The following ERC2 variants were observed in gnomAD, a reference collection of about 807,000 sequenced individuals.
The protein encoded by ERC2 is ERC protein 2.
ERC2 carries 42 observed loss-of-function variants against 114.8 expected under a neutral mutation model. The observed-to-expected ratio is 0.37, with a 90% confidence interval of 0.29 to 0.47. ERC2 has a LOEUF of 0.47. Among genes scored for constraint, ERC2 ranks in the 20% least tolerant of loss-of-function variants. The probability of loss-of-function intolerance (pLI) is 0.99; values close to 1 mark genes in which losing one functional copy is unlikely to be tolerated. For missense variants in ERC2, 939 were observed against 1,150.7 expected (o/e 0.82, Z 2.66); for synonymous variants, 454 against 425.5 (o/e 1.07, Z -0.82).
chr3:56,446,643 T>TTGG (rs2062587089), intron 1 of ERC2, among the ~76,000 whole-genome samples: 1 of 147,710 alleles, frequency 6.8e-6, no homozygotes, highest in Non-Finnish European at 1.5e-5. Context: ...TTTTTTTTTT[T>TTGG]GAGACGGGGT....
At chr3:55,959,133 T>C (rs1030945891) in intron 12 of ERC2, among the ~76,000 whole-genome samples, 4 of 152,108 alleles carry the variant, frequency 2.6e-5, no homozygotes, top group Admixed American at 6.6e-5. Context: ...ACTCCCCCAC[T>C]TCACTCACCA....
At chr3:55,920,957 TTCA>T (rs1295470791) in intron 13 of ERC2, among the ~76,000 whole-genome samples, 1 of 152,098 alleles carries the variant, frequency 6.6e-6, no homozygotes, top group Non-Finnish European at 1.5e-5. Flanking sequence ...GACACTGGGC[TTCA>T]AACCTAGGGG....
chr3:55,628,763 T>G lies in ERC2; in HGVS notation c.*39+55031A>C, dbSNP rs557522730. Among the ~76,000 whole-genome samples, 3 of 152,294 alleles carry G rather than the reference T, an allele frequency of 2.0e-5. No homozygotes were observed. The South Asian group carries it at 6.2e-4, about 32-fold the overall frequency. On this transcript the variant is annotated intron_variant, in intron 17 of 17. Transcript: ENST00000288221. ...CAGGAACCTGGCTATTAAGAATATT[T>G]TCTCTCCTCCCCAAAATGAGCTGGT...
chr3:56,114,248 T>G (rs2079113592), intron 6 of ERC2, among the ~76,000 whole-genome samples: 1 of 152,214 alleles, frequency 6.6e-6, no homozygotes, highest in South Asian at 2.1e-4. Context: ...GCTCTATATG[T>G]TAAAAGGTGA....
intron 3 of ERC2, among the ~76,000 whole-genome samples, chr3:56,251,903 C>A (rs568764671): frequency 3.9e-5 from 6 of 152,216 alleles, no homozygotes; most frequent in Non-Finnish European, 8.8e-5. Context: ...AAATGCTAAT[C>A]TAATTCAACT....
At chr3:56,122,102 T>C (rs2149860178) in intron 6 of ERC2, among the ~76,000 whole-genome samples, 1 of 152,272 alleles carries the variant, frequency 6.6e-6, no homozygotes, top group South Asian at 2.1e-4. Flanking sequence ...GGCAGAAACA[T>C]TGGAAACAAC....
chr3:56,135,246 C>A (rs1258237962), intron 6 of ERC2, among the ~76,000 whole-genome samples: 2 of 152,090 alleles, frequency 1.3e-5, no homozygotes. Flanking sequence ...AGCCACCACA[C>A]CTGGCCAGAA....
Position 56,427,433 on chromosome 3 carries a change from C to T in ERC2, c.657+6918G>A, listed in dbSNP as rs918063769. Among the ~76,000 whole-genome samples, 4 of 152,070 alleles carry T rather than the reference C, an allele frequency of 2.6e-5. No individual in the cohort carries two copies. The South Asian group carries it at 8.3e-4, about 32-fold the overall frequency. On this transcript the variant is annotated intron_variant, in intron 2 of 17. Transcript: ENST00000288221. ...GAGCCACTGCACCCAGCCTAGTAAA[C>T]ATTTTTAACTGAAAGAGAGCATTTC... is the stretch of plus-strand genomic sequence containing the variant.
chr3:56,097,828 C>A (rs1006887747), intron 6 of ERC2, among the ~76,000 whole-genome samples: 2 of 152,156 alleles, frequency 1.3e-5, no homozygotes, highest in Non-Finnish European at 2.9e-5. Context: ...AGCCTGATAT[C>A]CTATCAGCAA....
chr3:55,947,998 A>G lies in ERC2; in HGVS notation c.2403+2427T>C, dbSNP rs78644365. Reference sequence around the variant, plus strand: ...TGAAATAAAGAAGACTGGATTTGTAAAATATTTCGTACTGTGCTATATATC... The same window carrying G: ...TGAAATAAAGAAGACTGGATTTGTAGAATATTTCGTACTGTGCTATATATC... On this transcript the variant is annotated intron_variant, in intron 13 of 17. Coordinates refer to ENST00000288221, the MANE Select transcript of ERC2 (RefSeq NM_015576.3). Among the ~76,000 whole-genome samples, 536 of 152,328 alleles carry G rather than the reference A, an allele frequency of 3.5e-3. 3 individuals are homozygous for G. The highest frequency in any genetic ancestry group is 0.012 in the African/African-American group (506 of 41,560).
intron 10 of ERC2, among the ~76,000 whole-genome samples, chr3:55,997,880 G>GTTTT (rs869077498): frequency 1.6e-4 from 7 of 44,766 alleles, no homozygotes; most frequent in African/African-American, 4.4e-4. Context: ...TCTTAATTCT[G>GTTTT]TTTTTTTTTT....
intron 14 of ERC2, among the ~76,000 whole-genome samples, chr3:55,843,734 G>C (rs548369813): frequency 1.3e-5 from 2 of 152,294 alleles, no homozygotes; most frequent in African/African-American, 4.8e-5. Context: ...AAAAATGTGT[G>C]GCCCCAATGT....
At chr3:55,735,122 T>C (rs2065546084) in intron 14 of ERC2, among the ~76,000 whole-genome samples, 1 of 152,168 alleles carries the variant, frequency 6.6e-6, no homozygotes, top group Non-Finnish European at 1.5e-5. Context: ...CTGCAGCCAC[T>C]GAGAGAGGAA....
chr3:56,104,184 G>GA (rs111607541), intron 6 of ERC2, among the ~76,000 whole-genome samples: 25,246 of 147,112 alleles, frequency 0.17, 2,258 homozygotes, highest in African/African-American at 0.22. Flanking sequence ...TCTTTGCCCA[G>GA]AAAAAAAAAA....
At chr3:55,851,635 T>A (rs2061576422) in intron 14 of ERC2, among the ~76,000 whole-genome samples, 1 of 152,170 alleles carries the variant, frequency 6.6e-6, no homozygotes, top group Non-Finnish European at 1.5e-5. Flanking sequence ...TCATCTAGAG[T>A]TTTAAAAAAT....
At chr3:55,568,262 T>C (rs1465408897) in intron 17 of ERC2, among the ~76,000 whole-genome samples, 1 of 152,192 alleles carries the variant, frequency 6.6e-6, no homozygotes, top group Non-Finnish European at 1.5e-5. Context: ...GCCCACGGGT[T>C]GGATCAGTGC....
At chr3:55,757,706 A>C (rs1055385447) in intron 14 of ERC2, among the ~76,000 whole-genome samples, 1 of 152,164 alleles carries the variant, frequency 6.6e-6, no homozygotes, top group Admixed American at 6.5e-5. Flanking sequence ...GAAAAGGAGG[A>C]GTTATAAACC....
chr3:56,461,758 C>A (rs915371463), intron 1 of ERC2, among the ~76,000 whole-genome samples: 2 of 152,194 alleles, frequency 1.3e-5, no homozygotes, highest in African/African-American at 4.8e-5. Flanking sequence ...CTTCATACAA[C>A]ATAAATCTGG....
intron 17 of ERC2, among the ~76,000 whole-genome samples, chr3:55,628,113 A>G (rs1288528338): frequency 3.8e-5 from 3 of 78,238 alleles, no homozygotes; most frequent in African/African-American, 2.1e-4. Context: ...TTATACCCCC[A>G]TTTTTCTTCC....
Sources: gnomAD v4.1 joint callset for allele counts (sites outside exome capture counted in the v4.1 genomes callset) on GRCh38, gnomAD v4.1.1 for gene constraint, MANE v1.5 for transcripts, NCBI Gene and HGNC (gene_info 2026-07-23, HGNC 2026-07-21) for gene names.